PRH1: variants seen among roughly 807,000 people sequenced by gnomAD.
PRH1 encodes the protein salivary acidic proline-rich phosphoprotein 1/2.
In PRH1, 7 loss-of-function variants were observed where a neutral mutation model predicts 7.9. The observed-to-expected ratio is 0.89, with a 90% CI of 0.50 to 1.67. The LOEUF is 1.67. Among genes scored for constraint, PRH1 ranks in the 40% most tolerant of loss-of-function variants. PRH1 has a pLI of 0.00. For missense variants in PRH1, 109 were observed against 223.6 expected (o/e 0.49, Z 3.27); for synonymous variants, 45 against 80.8 (o/e 0.56, Z 2.38).
At chr12:11,092,229 T>C in intron 1 of PRH1, 1 of 1,277,608 alleles carries the variant, frequency 7.8e-7, no homozygotes, top group Non-Finnish European at 1.1e-6. Context: ...AAAGTTATCA[T>C]GTCTGAACAG....
chr12:11,080,889 C>T (rs372078097), intron 1 of PRH1, among the ~76,000 whole-genome samples: 2,850 of 84,668 alleles, frequency 0.034, 117 homozygotes, highest in Middle Eastern at 0.051. Flanking sequence ...AGGTTGTATT[C>T]AGAATGCAGT....
Position 11,128,304 on chromosome 12 carries a change from C to G in PRH1, n.40-7124G>C, listed in dbSNP as rs1458995418. Among the ~76,000 whole-genome samples the G allele has an allele frequency of 2.3e-5, 3 of 128,734 alleles. No homozygotes were observed. The East Asian group carries it at 7.1e-4, about 31-fold the overall frequency. The allele number at this position is 128,734 out of a possible 152,430, so 84.5% of individuals were successfully genotyped here. The stretch of plus-strand genomic sequence containing the variant: ...TAGATGTTAAAATCAGTCTCCAATC[C>G]TGGATTTTGTTTCTTTTCAGTTTTT... On this transcript the variant is annotated intron_variant and non_coding_transcript_variant, in intron 1 of 1. Transcript: ENST00000541175.
intron 2 of PRH1, among the ~76,000 whole-genome samples, chr12:10,946,434 G>A (rs1278126764): frequency 1.3e-5 from 2 of 152,134 alleles, no homozygotes; most frequent in Non-Finnish European, 2.9e-5. Context: ...CTGCACAGAG[G>A]TGTTTACAGT....
Position 11,146,472 on chromosome 12 carries a change from T to C in PRH1, n.39+24950A>G, listed in dbSNP as rs138908092. Reference sequence around the variant, plus strand: ...AAATGAGTATTTTTAATTTCATCCATATATTCCTAGTTTTAATACTCTTTC... The same window carrying C: ...AAATGAGTATTTTTAATTTCATCCACATATTCCTAGTTTTAATACTCTTTC... On this transcript the variant is annotated intron_variant and non_coding_transcript_variant, in intron 1 of 1. Transcript: ENST00000541175. 8.5e-5 allele frequency among the ~76,000 whole-genome samples: 13 copies of C among 152,294 alleles called. 1 individual carries two copies. The East Asian group carries it at 1.7e-3, about 20-fold the overall frequency.
chr12:10,889,536 T>G (rs1949540959), intron 2 of PRH1, among the ~76,000 whole-genome samples: 1 of 152,188 alleles, frequency 6.6e-6, no homozygotes, highest in Non-Finnish European at 1.5e-5. Flanking sequence ...GCTTCTTGAA[T>G]CTGTAGGTTT....
chr12:10,976,756 T>C (rs1452733255), intron 1 of PRH1, among the ~76,000 whole-genome samples: 2 of 151,766 alleles, frequency 1.3e-5, no homozygotes, highest in Admixed American at 1.3e-4. Flanking sequence ...CCCACTGAAA[T>C]GCAAACAACC....
rs924798574 is a variant in PRH1 at position 10,938,776 on chromosome 12, A to T, written c.-59+34879T>A. The T allele has an allele frequency of 2.0e-5, 32 of 1,613,488 alleles. No homozygotes were observed. The highest frequency in any genetic ancestry group is 2.5e-5 in the Non-Finnish European group (30 of 1,179,950). The stretch of plus-strand genomic sequence containing the variant: ...TTATATGGATGTTTATCAGTGCAAT[A>T]TTTAAAAACAAGAAGACCGAAGTCA... On this transcript the variant is annotated intron_variant, in intron 2 of 3. Coordinates refer to the PRH1 transcript ENST00000539853.
At chr12:10,890,783 G>A (rs1949561117) in intron 2 of PRH1, among the ~76,000 whole-genome samples, 1 of 151,738 alleles carries the variant, frequency 6.6e-6, no homozygotes, top group Non-Finnish European at 1.5e-5. Context: ...TGGCTGAGGT[G>A]GGAGGAAAAG....
At chr12:11,105,936 CTT>C (rs765916131) in intron 1 of PRH1, among the ~76,000 whole-genome samples, 1 of 94,962 alleles carries the variant, frequency 1.1e-5, no homozygotes, top group African/African-American at 3.7e-5. Flanking sequence ...ATAACTTATT[CTT>C]TTTTTTTTTT....
At chr12:11,027,574 C>A (rs1307059512) in intron 1 of PRH1, among the ~76,000 whole-genome samples, 1 of 152,186 alleles carries the variant, frequency 6.6e-6, no homozygotes, top group African/African-American at 2.4e-5. Flanking sequence ...CAACATATTC[C>A]ACATTTGAGA....
chr12:10,996,223 G>A (rs1249068044), intron 1 of PRH1, among the ~76,000 whole-genome samples: 1 of 151,900 alleles, frequency 6.6e-6, no homozygotes. Context: ...CAGCCACTCA[G>A]GAGGCTGACG....
At chr12:11,061,718 T>G (rs760569156) in intron 1 of PRH1, 1 of 1,614,046 alleles carries the variant, frequency 6.2e-7, no homozygotes, top group African/African-American at 1.3e-5. Flanking sequence ...AGAAAAGATA[T>G]CAGGGTCAGA....
At chr12:11,033,734 C>T (rs1942322613) in intron 1 of PRH1, among the ~76,000 whole-genome samples, 1 of 152,094 alleles carries the variant, frequency 6.6e-6, no homozygotes, top group African/African-American at 2.4e-5. Context: ...GGAATGTATA[C>T]AAATAATTGA....
intron 2 of PRH1, among the ~76,000 whole-genome samples, chr12:10,912,879 G>C (rs540225392): frequency 3.7e-4 from 56 of 151,930 alleles, no homozygotes; most frequent in African/African-American, 1.1e-3. Flanking sequence ...TGTAGCTTTG[G>C]GGTGCAGTGT....
chr12:11,076,081 T>C (rs565958775), intron 1 of PRH1, among the ~76,000 whole-genome samples: 1 of 107,892 alleles, frequency 9.3e-6, no homozygotes, highest in East Asian at 2.2e-4. Flanking sequence ...GTGGATGTAA[T>C]ATATATATAT....
chr12:11,119,747 C>T (rs1055440210), downstream of PRH1, among the ~76,000 whole-genome samples: 2 of 152,068 alleles, frequency 1.3e-5, no homozygotes, highest in Non-Finnish European at 2.9e-5. Context: ...AGCCTATTGT[C>T]TTAAATTTAA....
intron 1 of PRH1, among the ~76,000 whole-genome samples, chr12:11,056,500 T>C (rs973478421): frequency 6.6e-6 from 1 of 152,172 alleles, no homozygotes; most frequent in Non-Finnish European, 1.5e-5. Flanking sequence ...GACTCCATTT[T>C]ACAACTACTC....
At chr12:10,930,629 T>C in intron 2 of PRH1, 1 of 1,611,768 alleles carries the variant, frequency 6.2e-7, no homozygotes, top group Non-Finnish European at 8.5e-7. Context: ...TTTTCCAGCA[T>C]GAGCTCAGCT....
At chr12:11,071,980 A>C (rs1944091081) in intron 1 of PRH1, among the ~76,000 whole-genome samples, 1 of 151,940 alleles carries the variant, frequency 6.6e-6, no homozygotes, top group African/African-American at 2.4e-5. Flanking sequence ...GTTTGAAATA[A>C]ATTCATTACT....
Sources: allele counts gnomAD v4.1 joint callset (sites outside exome capture counted in the v4.1 genomes callset), GRCh38; gene constraint gnomAD v4.1.1; transcripts MANE v1.5; gene names NCBI Gene and HGNC (gene_info 2026-07-23, HGNC 2026-07-21).